The following DES variants were observed in gnomAD, a reference collection of about 807,000 sequenced individuals.
DES encodes the protein desmin.
Under a neutral mutation model 55.1 loss-of-function variants are expected in DES, and 34 were observed. The ratio of observed to expected loss-of-function variants is 0.62; its 90% confidence interval spans 0.47 to 0.82. DES has a LOEUF of 0.82. DES is among the 40% of genes least tolerant of loss of function. DES has a pLI of 0.00. For synonymous variants in DES, 259 were observed against 270.8 expected (o/e 0.96, Z 0.43); for missense variants, 596 against 645.9 (o/e 0.92, Z 0.84).
In DES at chr2:219,420,055, A is replaced by G; in HGVS notation, c.579-40A>G. On this transcript the variant is annotated intron_variant, in intron 1 of 8. Coordinates refer to ENST00000373960, the MANE Select transcript of DES (RefSeq NM_001927.4). This position sits in a 1 kb window ranked among gnomAD's most constrained non-coding sequence, Gnocchi z 6.0. ...GCCAGTCGTTTCCACTGCCAGCTTT[A>G]TCACCCGCAACTGTCTGTCTTTCTG... The G allele has an allele frequency of 6.2e-7, 1 of 1,612,606 alleles. No homozygotes were observed. Among genetic ancestry groups the G allele is most frequent in the Non-Finnish European group, 8.5e-7 (1 of 1,178,862 alleles).
chr2:219,422,459 A>AT lies in DES; in HGVS notation c.1244+900dup, dbSNP rs1325658507. Reference sequence around the variant, plus strand: ...CCTTGTGGGATAACAGAAATGTTCTATATCTTTTTTTTTTTTTTTTTTTGA... The same window carrying AT: ...CCTTGTGGGATAACAGAAATGTTCTATTATCTTTTTTTTTTTTTTTTTTTGA... On this transcript the variant is annotated intron_variant, in intron 6 of 8. Coordinates refer to ENST00000373960, the MANE Select transcript of DES (RefSeq NM_001927.4). Among the ~76,000 whole-genome samples the AT allele has an allele frequency of 8.5e-5, 6 of 70,264 alleles. 1 individual carries two copies. Among genetic ancestry groups the AT allele is most frequent in the South Asian group, 1.2e-3 (2 of 1,720 alleles). The allele number at this position is 70,264 out of a possible 152,430, so 46.1% of individuals were successfully genotyped here.
rs370385097 is a variant in DES, at chr2:219,420,672, C to A, written c.897+16C>A. On this transcript the variant is annotated intron_variant, in intron 4 of 8. Transcript: ENST00000373960. The surrounding 1 kb of genome is among the most constrained non-coding windows in gnomAD (Gnocchi z 6.0). ...CAAGTCGAAGGTGGGTGGCCTCGCC[C>A]GGGGACTGGCATCTCCGTCCCCCTG... 1.2e-6 allele frequency: 2 copies of A among 1,613,942 alleles called. No homozygotes were observed. Among genetic ancestry groups the A allele is most frequent in the East Asian group, 4.5e-5 (2 of 44,866 alleles).
chr2:219,420,862 A>G lies in DES; in HGVS notation c.932A>G (p.Asn311Ser). 1.9e-6 allele frequency: 3 copies of G among 1,613,802 alleles called. No individual in the cohort carries two copies. The highest frequency in any genetic ancestry group is 2.5e-6 in the Non-Finnish European group (3 of 1,179,986). Residue 311 changes from asparagine (N) to serine (S), a missense_variant, in exon 5 of 9, where the codon AAC becomes AGC. Asn to Ser is a conservative substitution (Grantham distance 46). Coordinates refer to ENST00000373960, the MANE Select transcript of DES (RefSeq NM_001927.4). This position sits in a 1 kb window ranked among gnomAD's most constrained non-coding sequence, Gnocchi z 6.0. ...CTGACCCAGGCAGCCAACAAGAACA[A>G]CGACGCCCTGCGCCAGGCCAAGCAG... Reference protein sequence around the residue: ...SDLTQAANKNNDALRQAKQEM... With the variant: ...SDLTQAANKNSDALRQAKQEM...
chr2:219,418,943 G>T lies in DES; in HGVS notation c.481G>T (p.Glu161Ter). ...VAELYEEELR[E>*]LRRQVEVLTN... ...CGAGCTCTACGAGGAGGAGCTGCGG[G>T]AGCTGCGGCGCCAGGTGGAGGTGCT... The change falls in exon 1 of 9, where the codon GAG (glutamate) becomes TAG (stop). Residue 161 changes from glutamate (E) to a stop codon, truncating the protein, a stop_gained. Transcript: ENST00000373960. LOFTEE classifies it high-confidence loss of function. 6.4e-7 allele frequency: 1 copy of T among 1,556,964 alleles called. No individual in the cohort carries two copies. The highest frequency in any genetic ancestry group is 8.7e-7 in the Non-Finnish European group (1 of 1,150,360).
Position 219,420,593 on chromosome 2 carries a change from G to A in DES, c.834G>A (p.Arg278=), listed in dbSNP as rs1559352967. ...PDLTAALRDI[R]AQYETIAAKN... ...TCACTGCCGCCCTCAGGGACATCCG[G>A]GCTCAGTATGAGACCATCGCGGCTA... is the stretch of plus-strand genomic sequence containing the variant. Residue 278 remains arginine (R), a synonymous_variant, in exon 4 of 9, where the codon CGG becomes CGA. Transcript: ENST00000373960. The surrounding 1 kb of genome is among the most constrained non-coding windows in gnomAD (Gnocchi z 6.0). The A allele has an allele frequency of 1.2e-6, 2 of 1,614,020 alleles. No homozygotes were observed. The highest frequency in any genetic ancestry group is 1.7e-6 in the Non-Finnish European group (2 of 1,180,006).
In DES at chr2:219,420,171, T is replaced by C; in HGVS notation, c.639+16T>C. On this transcript the variant is annotated intron_variant, in intron 2 of 8. Coordinates refer to ENST00000373960, the MANE Select transcript of DES (RefSeq NM_001927.4). The surrounding 1 kb of genome is among the most constrained non-coding windows in gnomAD (Gnocchi z 6.0). ...CTTCCGAGCGGTGAGTGCCCTTCTT[T>C]TCCCCTTGCATGGCCTCTGGCCTTG... The C allele has an allele frequency of 2.5e-6, 4 of 1,614,212 alleles. No homozygotes were observed. The highest frequency in any genetic ancestry group is 3.4e-6 in the Non-Finnish European group (4 of 1,180,026).
chr2:219,424,721 A>G (rs755403269), intron 7 of DES, among the ~76,000 whole-genome samples: 14 of 152,192 alleles, frequency 9.2e-5, no homozygotes, highest in Non-Finnish European at 1.9e-4. Context: ...CTCCACCCAC[A>G]TTGCACAGTG....
In DES at chr2:219,420,576, G is replaced by A. The variant is rs770258461; in HGVS notation, c.817G>A (p.Ala273Thr). The A allele has an allele frequency of 1.1e-5, 17 of 1,613,844 alleles. No homozygotes were observed. The highest frequency in any genetic ancestry group is 2.2e-5 in the East Asian group (1 of 44,862). ...MDMSKPDLTA[A>T]LRDIRAQYET... ...CATGTCTAAGCCAGACCTCACTGCC[G>A]CCCTCAGGGACATCCGGGCTCAGTA... is the stretch of plus-strand genomic sequence containing the variant. Residue 273 changes from alanine (A) to threonine (T), a missense_variant, in exon 4 of 9, where the codon GCC (alanine) becomes ACC (threonine). By Grantham distance (58) the Ala-to-Thr change is moderately conservative (BLOSUM62 0). Coordinates refer to ENST00000373960, the MANE Select transcript of DES (RefSeq NM_001927.4). This position sits in a 1 kb window ranked among gnomAD's most constrained non-coding sequence, Gnocchi z 6.0.
At position 219,419,089 on chromosome 2, in the gene DES, A is replaced by G. The variant is rs1954385584; in HGVS notation, c.578+49A>G. On this transcript the variant is annotated intron_variant, in intron 1 of 8. Coordinates refer to ENST00000373960, the MANE Select transcript of DES (RefSeq NM_001927.4). The surrounding 1 kb of genome is among the most constrained non-coding windows in gnomAD (Gnocchi z 4.3). Reference sequence around the variant, plus strand: ...CCTCTTTCTGCGGGCAGGGCACAGGAGGCTAGGCCTGGGGTCTGGGGTCCC... The same window carrying G: ...CCTCTTTCTGCGGGCAGGGCACAGGGGGCTAGGCCTGGGGTCTGGGGTCCC... 1.2e-5 allele frequency: 19 copies of G among 1,534,776 alleles called. No individual in the cohort carries two copies. Among genetic ancestry groups the G allele is most frequent in the Non-Finnish European group, 1.5e-5 (17 of 1,146,336 alleles).
At position 219,420,398 on chromosome 2, in the gene DES, G is replaced by A. The variant is rs1954415458; in HGVS notation, c.735+52G>A. The A allele has an allele frequency of 5.6e-6, 9 of 1,611,996 alleles. No homozygotes were observed. The highest frequency in any genetic ancestry group is 6.8e-6 in the Non-Finnish European group (8 of 1,178,976). On this transcript the variant is annotated intron_variant, in intron 3 of 8. Coordinates refer to ENST00000373960, the MANE Select transcript of DES (RefSeq NM_001927.4). This position sits in a 1 kb window ranked among gnomAD's most constrained non-coding sequence, Gnocchi z 6.0. ...TCACTGGGCCATGGGGAAAGCAGCCGGAAAGTGGGGTTGGGGTGAGGCTCT... is the reference window on the plus strand; with the variant it reads ...TCACTGGGCCATGGGGAAAGCAGCCAGAAAGTGGGGTTGGGGTGAGGCTCT...
At chr2:219,421,964 C>A (rs1169027133) in intron 6 of DES, among the ~76,000 whole-genome samples, 3 of 152,098 alleles carry the variant, frequency 2.0e-5, no homozygotes, top group Non-Finnish European at 1.5e-5. Context: ...CCGCACCCGG[C>A]GTGGAAACAA....
chr2:219,422,657 G>C (rs1459423029), intron 6 of DES, among the ~76,000 whole-genome samples: 2 of 151,872 alleles, frequency 1.3e-5, no homozygotes, highest in African/African-American at 4.8e-5. Flanking sequence ...GTAGAGATGA[G>C]GTTTCACCAT....
Position 219,425,730 on chromosome 2 carries a change from G to T in DES, c.1356G>T (p.Glu452Asp). The part of the protein sequence containing the change: ...TKKTVMIKTI[E>D]TRDGEVVSEA... Reference sequence around the variant, plus strand: ...AGACGGTGATGATCAAGACCATCGAGACACGGGATGGGGAGGTAAGTGGTC... The same window carrying T: ...AGACGGTGATGATCAAGACCATCGATACACGGGATGGGGAGGTAAGTGGTC... Residue 452 changes from glutamate to aspartate, a missense_variant, in exon 8 of 9, where the codon GAG becomes GAT. Glu to Asp is a conservative substitution (Grantham distance 45, BLOSUM62 2). Coordinates refer to ENST00000373960, the MANE Select transcript of DES (RefSeq NM_001927.4). 1 of 1,604,168 alleles carries T rather than the reference G, an allele frequency of 6.2e-7. No individual in the cohort carries two copies. The highest frequency in any genetic ancestry group is 1.7e-5 in the Admixed American group (1 of 58,296).
In DES at chr2:219,420,821, C is replaced by A. The variant is rs1223421353; in HGVS notation, c.898-7C>A. ...TCTCATTTTTGGGCCCCTTTCTCTG[C>A]CCTTAGGTGTCAGACCTGACCCAGG... On this transcript the variant is annotated splice_region_variant and splice_polypyrimidine_tract_variant and intron_variant, in intron 4 of 8. Coordinates refer to ENST00000373960, the MANE Select transcript of DES (RefSeq NM_001927.4). The surrounding 1 kb of genome is among the most constrained non-coding windows in gnomAD (Gnocchi z 6.0). The A allele has an allele frequency of 6.2e-7, 1 of 1,613,430 alleles. No individual in the cohort carries two copies. The highest frequency in any genetic ancestry group is 1.7e-5 in the Admixed American group (1 of 60,006).
rs1954396000 is a variant in DES at position 219,419,535 on chromosome 2, C to T, written c.578+495C>T. ...TGGGGGAGGTGGGGGGAGGGGGGAGCTTGGCCCTGGGGCCTTGCCGAGACT... is the reference window on the plus strand; with the variant it reads ...TGGGGGAGGTGGGGGGAGGGGGGAGTTTGGCCCTGGGGCCTTGCCGAGACT... On this transcript the variant is annotated intron_variant, in intron 1 of 8. Transcript: ENST00000373960. The surrounding 1 kb of genome is among the most constrained non-coding windows in gnomAD (Gnocchi z 4.3). 6.6e-6 allele frequency among the ~76,000 whole-genome samples: 1 copy of T among 151,898 alleles called. No homozygotes were observed. The highest frequency in any genetic ancestry group is 1.5e-5 in the Non-Finnish European group (1 of 67,894).
At chr2:219,423,750 T>C in intron 6 of DES, 27 bp from the exon 7 acceptor site, 1 of 1,612,342 alleles carries the variant, frequency 6.2e-7, no homozygotes, top group Non-Finnish European at 8.5e-7. Context: ...TCTTAACTCT[T>C]AGGAGGTTTT....
intron 6 of DES, among the ~76,000 whole-genome samples, chr2:219,423,197 G>A (rs1954474546): frequency 6.6e-6 from 1 of 152,154 alleles, no homozygotes; most frequent in Admixed American, 6.5e-5. Context: ...AGGAAATCCT[G>A]GTGCTCTGGA....
Position 219,420,294 on chromosome 2 carries a change from G to T in DES, c.683G>T (p.Arg228Ile), listed in dbSNP as rs754350026. 1.3e-5 allele frequency: 21 copies of T among 1,614,094 alleles called. No homozygotes were observed. In the East Asian group the frequency reaches 4.5e-4, roughly 34 times the overall value. Residue 228 changes from arginine (R) to isoleucine (I), a missense_variant, in exon 3 of 9, where the codon AGA becomes ATA. Coordinates refer to ENST00000373960, the MANE Select transcript of DES (RefSeq NM_001927.4). The surrounding 1 kb of genome is among the most constrained non-coding windows in gnomAD (Gnocchi z 6.0). Reference protein sequence around the residue: ...ATLARIDLERRIESLNEEIAF... With the variant: ...ATLARIDLERIIESLNEEIAF... The stretch of plus-strand genomic sequence containing the variant: ...CTAGCTCGCATTGACCTGGAGCGCA[G>T]AATTGAATCTCTCAACGAGGAGATC...
In DES at chr2:219,420,874, G is replaced by A. The variant is rs771455648; in HGVS notation, c.944G>A (p.Arg315His). The A allele has an allele frequency of 2.7e-5, 44 of 1,613,714 alleles. No homozygotes were observed. The highest frequency in any genetic ancestry group is 3.5e-5 in the Non-Finnish European group (41 of 1,179,968). Residue 315 changes from arginine to histidine, a missense_variant, in exon 5 of 9, where the codon CGC becomes CAC. Transcript: ENST00000373960. The surrounding 1 kb of genome is among the most constrained non-coding windows in gnomAD (Gnocchi z 6.0). ...QAANKNNDAL[R>H]QAKQEMMEYR... ...GCCAACAAGAACAACGACGCCCTGCGCCAGGCCAAGCAGGAGATGATGGAA... is the reference window on the plus strand; with the variant it reads ...GCCAACAAGAACAACGACGCCCTGCACCAGGCCAAGCAGGAGATGATGGAA...
Sources: gnomAD v4.1 joint callset for allele counts (sites outside exome capture counted in the v4.1 genomes callset) on GRCh38, gnomAD v4.1.1 for gene constraint, Gnocchi (gnomAD v3.1) non-coding constraint, MANE v1.5 for transcripts, NCBI Gene and HGNC (gene_info 2026-07-23, HGNC 2026-07-21) for gene names.